SLC60A1: variants seen among roughly 807,000 people sequenced by gnomAD.
SLC60A1 encodes the protein major facilitator superfamily domain containing 4.
At chr1:205,593,842 C>T in the SLC60A1 span, among the ~76,000 whole-genome samples, 440 of 152,258 alleles carry the variant, frequency 2.9e-3, 7 homozygotes, top group East Asian at 0.014. Flanking sequence ...CCATTCTCTG[C>T]GCTGTTTAAT....
At chr1:205,579,864 C>T in the SLC60A1 span, 16 of 1,614,000 alleles carry the variant, frequency 9.9e-6, no homozygotes, top group African/African-American at 2.7e-5. Flanking sequence ...ATGGCGCTGG[C>T]GGGCTTGGCC....
the SLC60A1 span, chr1:205,592,088 C>G: frequency 1.2e-6 from 2 of 1,606,584 alleles, no homozygotes; most frequent in Non-Finnish European, 1.7e-6. Context: ...TTCCTCACCA[C>G]CGATGCTCAG....
the SLC60A1 span, among the ~76,000 whole-genome samples, chr1:205,573,237 C>A: frequency 7.3e-6 from 1 of 137,224 alleles, no homozygotes; most frequent in Non-Finnish European, 1.6e-5. Context: ...ATGGTGAAAC[C>A]CCATCTCTAC....
the SLC60A1 span, chr1:205,602,898 A>G: frequency 3.3e-5 from 5 of 152,034 alleles, no homozygotes; most frequent in Non-Finnish European, 7.4e-5. Context: ...TACCTTTCCT[A>G]AAATAAAATA....
chr1:205,588,469 C>CAA, the SLC60A1 span, among the ~76,000 whole-genome samples: 50,130 of 84,584 alleles, frequency 0.59, 15,589 homozygotes, highest in East Asian at 0.85. Flanking sequence ...GACTTCAAAT[C>CAA]AAAAAAAAAA....
the SLC60A1 span, among the ~76,000 whole-genome samples, chr1:205,594,647 CA>C: frequency 0.2 from 26,767 of 132,656 alleles, 2,396 homozygotes; most frequent in Non-Finnish European, 0.23. Flanking sequence ...GACTCTGTCT[CA>C]AAAAAAAAAA....
At chr1:205,594,647 CAAAAA>C in the SLC60A1 span, among the ~76,000 whole-genome samples, 1 of 132,800 alleles carries the variant, frequency 7.5e-6, no homozygotes, top group Non-Finnish European at 1.6e-5. Flanking sequence ...GACTCTGTCT[CAAAAA>C]AAAAAAAAAA....
the SLC60A1 span, among the ~76,000 whole-genome samples, chr1:205,593,557 C>T: frequency 6.6e-6 from 1 of 151,924 alleles, no homozygotes; most frequent in African/African-American, 2.4e-5. Context: ...CAGCAGTTAT[C>T]CACAGCCTGG....
chr1:205,599,139 G>A, the SLC60A1 span: 1 of 1,614,110 alleles, frequency 6.2e-7, no homozygotes, highest in Non-Finnish European at 8.5e-7. Flanking sequence ...AGATATTCCA[G>A]GCTCAGGGCA....
At chr1:205,570,911 C>T in the SLC60A1 span, among the ~76,000 whole-genome samples, 2 of 152,138 alleles carry the variant, frequency 1.3e-5, no homozygotes, top group Non-Finnish European at 2.9e-5. Flanking sequence ...GACAGGTTGG[C>T]AGGGCAGGGT....
the SLC60A1 span, chr1:205,592,048 G>A: frequency 3.2e-6 from 5 of 1,544,060 alleles, no homozygotes; most frequent in African/African-American, 4.1e-5. Flanking sequence ...GAGAGGAAAC[G>A]CCAAGCCAGG....
At chr1:205,593,416 A>AGACGAAATCCCGCCACT in the SLC60A1 span, among the ~76,000 whole-genome samples, 2 of 74,724 alleles carry the variant, frequency 2.7e-5, no homozygotes, top group Non-Finnish European at 2.7e-5. Flanking sequence ...GCTTGCAGTG[A>AGACGAAATCCCGCCACT]GCACTCCAGC....
chr1:205,585,092 G>C, the SLC60A1 span: 2 of 991,332 alleles, frequency 2.0e-6, no homozygotes, highest in Non-Finnish European at 3.1e-6. This position sits in a 1 kb window ranked among gnomAD's most constrained non-coding sequence, Gnocchi z 4.2. Context: ...AGGTTTCCTG[G>C]AGACTTCTCC....
chr1:205,590,590 T>C, the SLC60A1 span, among the ~76,000 whole-genome samples: 1 of 152,144 alleles, frequency 6.6e-6, no homozygotes, highest in Non-Finnish European at 1.5e-5. Context: ...GCCTCAAGGA[T>C]TAGGAGCACC....
chr1:205,569,222 C>T, the SLC60A1 span: 23 of 1,563,320 alleles, frequency 1.5e-5, no homozygotes, highest in South Asian at 8.3e-5. Context: ...GCTCGCTGCC[C>T]CAGATCTCCT....
the SLC60A1 span, chr1:205,579,467 C>G: frequency 1.8e-6 from 1 of 562,718 alleles, no homozygotes; most frequent in Non-Finnish European, 3.2e-6. Context: ...TTTAAGTAAA[C>G]AATTTAGGGT....
the SLC60A1 span, among the ~76,000 whole-genome samples, chr1:205,579,190 G>A: frequency 6.6e-6 from 1 of 152,228 alleles, no homozygotes; most frequent in Non-Finnish European, 1.5e-5. Flanking sequence ...CAAATCACCT[G>A]AATACCTGGG....
At chr1:205,590,580 G>C in the SLC60A1 span, among the ~76,000 whole-genome samples, 1 of 152,158 alleles carries the variant, frequency 6.6e-6, no homozygotes, top group Admixed American at 6.5e-5. Context: ...GAGCGTAAAG[G>C]CCTCAAGGAT....
chr1:205,570,012 A>G, the SLC60A1 span, among the ~76,000 whole-genome samples: 1 of 150,640 alleles, frequency 6.6e-6, no homozygotes, highest in Non-Finnish European at 1.5e-5. Context: ...TAGCTTGGTA[A>G]GGTGACTCTC....
Sources: allele counts gnomAD v4.1 joint callset (sites outside exome capture counted in the v4.1 genomes callset), GRCh38; gene constraint gnomAD v4.1.1; non-coding constraint Gnocchi (gnomAD v3.1); transcripts MANE v1.5; gene names NCBI Gene and HGNC (gene_info 2026-07-23, HGNC 2026-07-21).